CNTN4: variants seen among roughly 807,000 people sequenced by gnomAD.
CNTN4 encodes the protein contactin 4, also known as contactin-4.
Under a neutral mutation model 122.5 loss-of-function variants are expected in CNTN4, and 77 were observed. The ratio of observed to expected loss-of-function variants is 0.63; its 90% CI spans 0.52 to 0.76. The LOEUF (loss-of-function observed/expected upper bound fraction) is 0.76, where lower values mean the gene tolerates loss of function less well. Among genes scored for constraint, CNTN4 ranks in the 30% least tolerant of loss-of-function variants. The pLI is 0.00. For missense variants in CNTN4, 1,256 were observed against 1,259.1 expected (o/e 1.00, Z 0.04); for synonymous variants, 512 against 447.0 (o/e 1.15, Z -1.83).
At chr3:2,211,482 T>C (rs559935213) in intron 2 of CNTN4, among the ~76,000 whole-genome samples, 3 of 152,164 alleles carry the variant, frequency 2.0e-5, no homozygotes, top group Non-Finnish European at 4.4e-5. Context: ...TGCCCCACAT[T>C]GATTTTCTTC....
chr3:2,729,365 C>A (rs754228941), intron 4 of CNTN4, among the ~76,000 whole-genome samples: 3 of 149,596 alleles, frequency 2.0e-5, no homozygotes, highest in Non-Finnish European at 4.4e-5. Flanking sequence ...GAGATTGAGA[C>A]CATCCCGGCT....
chr3:2,822,939 A>G (rs1020337751), intron 7 of CNTN4, among the ~76,000 whole-genome samples: 1 of 151,746 alleles, frequency 6.6e-6, no homozygotes, highest in African/African-American at 2.4e-5. Flanking sequence ...TGGCGTGCAC[A>G]TTAACGCTGT....
intron 3 of CNTN4, among the ~76,000 whole-genome samples, chr3:2,436,351 G>A (rs2048257795): frequency 6.6e-6 from 1 of 152,096 alleles, no homozygotes; most frequent in Non-Finnish European, 1.5e-5. Flanking sequence ...ATAAGTAAAT[G>A]AGACAGGAAA....
At chr3:3,051,324 G>A (rs749186410) in intron 23 of CNTN4, among the ~76,000 whole-genome samples, 1 of 152,198 alleles carries the variant, frequency 6.6e-6, no homozygotes, top group Non-Finnish European at 1.5e-5. Flanking sequence ...TCAAGCAAGT[G>A]TTTGGTGTAA....
chr3:2,112,693 T>G (rs2125143671), intron 2 of CNTN4, among the ~76,000 whole-genome samples: 1 of 152,320 alleles, frequency 6.6e-6, no homozygotes, highest in South Asian at 2.1e-4. Context: ...CTTAGATGTT[T>G]TAATTACTTT....
At chr3:2,808,809 T>C (rs1576874964) in intron 6 of CNTN4, among the ~76,000 whole-genome samples, 5 of 152,220 alleles carry the variant, frequency 3.3e-5, no homozygotes, top group Admixed American at 3.3e-4. Flanking sequence ...ATGCCCTTGA[T>C]TGGACACCTT....
At chr3:2,162,118 T>C (rs2035990156) in intron 2 of CNTN4, among the ~76,000 whole-genome samples, 1 of 152,218 alleles carries the variant, frequency 6.6e-6, no homozygotes, top group African/African-American at 2.4e-5. Context: ...GTGTGAATGA[T>C]AATAAAATAC....
rs1010656621 is a variant in CNTN4, at chr3:2,822,933, G to T, written c.454+3352G>T. Reference sequence around the variant, plus strand: ...TATTATAAGCTCTATTAGAAATGGCGTGCACATTAACGCTGTGGGCAAAGC... The same window carrying T: ...TATTATAAGCTCTATTAGAAATGGCTTGCACATTAACGCTGTGGGCAAAGC... On this transcript the variant is annotated intron_variant, in intron 7 of 24. Transcript: ENST00000418658. Among the ~76,000 whole-genome samples the T allele has an allele frequency of 1.7e-3, 260 of 152,282 alleles. 1 individual carries two copies. The highest frequency in any genetic ancestry group is 5.9e-3 in the African/African-American group (247 of 41,548).
At chr3:2,186,997 T>C (rs560305575) in intron 2 of CNTN4, among the ~76,000 whole-genome samples, 3 of 152,360 alleles carry the variant, frequency 2.0e-5, no homozygotes, top group South Asian at 4.1e-4. Context: ...ATGAAGTCCT[T>C]GCCCATGCCT....
intron 2 of CNTN4, among the ~76,000 whole-genome samples, chr3:2,120,751 C>G (rs978804041): frequency 4.6e-5 from 7 of 151,944 alleles, no homozygotes; most frequent in Non-Finnish European, 4.4e-5. Context: ...GTGTGGACTG[C>G]TAGCTAAGGC....
chr3:2,781,890 A>ATTTATTTTT (rs2091600038), intron 6 of CNTN4, among the ~76,000 whole-genome samples: 1 of 114,660 alleles, frequency 8.7e-6, no homozygotes, highest in Non-Finnish European at 1.8e-5. Flanking sequence ...CGCCCGGCTA[A>ATTTATTTTT]TTTTTTGTAT....
intron 10 of CNTN4, among the ~76,000 whole-genome samples, chr3:2,896,832 C>T (rs151031768): frequency 3.4e-4 from 51 of 152,110 alleles, no homozygotes; most frequent in African/African-American, 1.2e-3. Context: ...GTGAAACTCC[C>T]GCATTCCCTG....
chr3:2,592,117 G>A (rs950422451), intron 4 of CNTN4, among the ~76,000 whole-genome samples: 1 of 152,032 alleles, frequency 6.6e-6, no homozygotes, highest in Admixed American at 6.6e-5. Context: ...CTGGCCTCGA[G>A]CAGTCCTCCC....
rs1277738447 is a variant in CNTN4, at chr3:2,668,987, G to T, written c.56-67228G>T. On this transcript the variant is annotated intron_variant, in intron 4 of 24. Coordinates refer to ENST00000418658, the MANE Select transcript of CNTN4 (RefSeq NM_175607.3). Reference sequence around the variant, plus strand: ...GCTTTTTGATGTGCTGCTGGATTCGGTTTGCCAGTATTTTATTGAGGATTT... The same window carrying T: ...GCTTTTTGATGTGCTGCTGGATTCGTTTTGCCAGTATTTTATTGAGGATTT... Among the ~76,000 whole-genome samples the T allele has an allele frequency of 2.6e-5, 4 of 152,280 alleles. No individual in the cohort carries two copies. The East Asian group carries it at 7.7e-4, about 29-fold the overall frequency.
chr3:2,744,466 A>G (rs1375346417), intron 5 of CNTN4, among the ~76,000 whole-genome samples: 1 of 152,332 alleles, frequency 6.6e-6, no homozygotes, highest in Admixed American at 6.5e-5. Context: ...ATGGATTTGG[A>G]TCAGTTTTGT....
intron 4 of CNTN4, among the ~76,000 whole-genome samples, chr3:2,710,290 T>A (rs2087057671): frequency 6.6e-6 from 1 of 152,174 alleles, no homozygotes; most frequent in African/African-American, 2.4e-5. Context: ...ACTTCACAGG[T>A]TGCCTATCTT....
chr3:2,353,817 G>T (rs531902942), intron 3 of CNTN4, among the ~76,000 whole-genome samples: 30 of 151,892 alleles, frequency 2.0e-4, no homozygotes, highest in Middle Eastern at 3.4e-3. Flanking sequence ...GAGAATGGCG[G>T]GAACCCGGGA....
At chr3:2,153,789 G>A (rs2035597151) in intron 2 of CNTN4, among the ~76,000 whole-genome samples, 1 of 152,172 alleles carries the variant, frequency 6.6e-6, no homozygotes, top group Non-Finnish European at 1.5e-5. Flanking sequence ...CTGTTTCCTA[G>A]GTGAGAGAGT....
At chr3:2,226,192 A>T (rs975997064) in intron 2 of CNTN4, among the ~76,000 whole-genome samples, 2 of 152,186 alleles carry the variant, frequency 1.3e-5, no homozygotes, top group Non-Finnish European at 2.9e-5. Flanking sequence ...TTGCCATTAC[A>T]TTCTTACTTA....
Sources: allele counts gnomAD v4.1 joint callset (sites outside exome capture counted in the v4.1 genomes callset), GRCh38; gene constraint gnomAD v4.1.1; transcripts MANE v1.5; gene names NCBI Gene and HGNC (gene_info 2026-07-23, HGNC 2026-07-21).